Variants in RNASEK observed in about 807,000 individuals in gnomAD.
RNASEK encodes ribonuclease kappa.
A neutral mutation model predicts 11.2 loss-of-function variants in RNASEK; 7 were observed. The ratio of observed to expected loss-of-function variants is 0.62; its 90% CI spans 0.35 to 1.17. RNASEK has a LOEUF of 1.17. RNASEK is among the 50% of genes most tolerant of loss of function. The pLI is 0.02. For synonymous variants in RNASEK, 46 were observed against 49.5 expected (o/e 0.93, Z 0.30); for missense variants, 101 against 126.7 (o/e 0.80, Z 0.97).
rs200524475 is a variant in RNASEK at position 7,012,638 on chromosome 17, C to T, written c.-46C>T. On this transcript the variant is annotated 5_prime_UTR_variant, in exon 1 of 3. Coordinates refer to ENST00000593646, the MANE Select transcript of RNASEK (RefSeq NM_001004333.5). ...GGGCATCCTGGGCTTTCTCCCACCG[C>T]TTTCCGAGCCCGCTTGCACCTCGGC... is the stretch of plus-strand genomic sequence containing the variant. The T allele has an allele frequency of 1.2e-6, 2 of 1,607,416 alleles. No individual in the cohort carries two copies. The highest frequency in any genetic ancestry group is 1.7e-5 in the Admixed American group (1 of 59,728).
intron 1 of RNASEK, chr17:7,013,431 G>C (rs1454126716): frequency 1.3e-6 from 2 of 1,536,460 alleles, no homozygotes; most frequent in Non-Finnish European, 1.7e-6. Flanking sequence ...CGATAATCTG[G>C]GTTCCTGGGA....
Position 7,014,228 on chromosome 17 carries a change from G to A in RNASEK, c.239G>A (p.Gly80Glu). The change falls in exon 3 of 3, where the codon GGA (glycine) becomes GAA (glutamate). Residue 80 changes from glycine to glutamate, a missense_variant. By Grantham distance (98) the Gly-to-Glu change is moderately conservative (BLOSUM62 -2). Coordinates refer to ENST00000593646, the MANE Select transcript of RNASEK (RefSeq NM_001004333.5). This position sits in a 1 kb window ranked among gnomAD's most constrained non-coding sequence, Gnocchi z 4.5. ...FIAAGLYLLL[G>E]GFSFCQVRLN... Reference sequence around the variant, plus strand: ...GCTGCAGGCCTTTACCTCCTCCTCGGAGGCTTCTCTTTCTGCCAAGTTCGG... The same window carrying A: ...GCTGCAGGCCTTTACCTCCTCCTCGAAGGCTTCTCTTTCTGCCAAGTTCGG... 2.5e-6 allele frequency: 4 copies of A among 1,612,524 alleles called. No individual in the cohort carries two copies. Among genetic ancestry groups the A allele is most frequent in the Non-Finnish European group, 3.4e-6 (4 of 1,179,316 alleles).
At chr17:7,012,942 T>A (rs897661787) in intron 1 of RNASEK, 181 bp downstream of exon 1, 1 of 605,376 alleles carries the variant, frequency 1.7e-6, no homozygotes, top group Non-Finnish European at 2.9e-6. Flanking sequence ...CTGACCAACA[T>A]GGTGAAACCC....
Position 7,014,509 on chromosome 17 carries a change from A to T in RNASEK, c.*223A>T. On this transcript the variant is annotated 3_prime_UTR_variant, in exon 3 of 3. Coordinates refer to ENST00000593646, the MANE Select transcript of RNASEK (RefSeq NM_001004333.5). This position sits in a 1 kb window ranked among gnomAD's most constrained non-coding sequence, Gnocchi z 4.5. ...CACCCTTCGCTGTGTCCCGTATCTC[A>T]ATAAAGAGAATCTGCTCTCTTCAGC... 3 of 612,610 alleles carry T rather than the reference A, an allele frequency of 4.9e-6. No homozygotes were observed. The highest frequency in any genetic ancestry group is 8.6e-6 in the Non-Finnish European group (3 of 348,330). The allele number at this position is 612,610 out of a possible 1,614,324, so 37.9% of individuals were successfully genotyped here. A position where few individuals can be genotyped will look rare whatever the true frequency, so the allele number is the denominator to read the frequency against.
intron 1 of RNASEK, chr17:7,013,225 G>A (rs1240546822): frequency 5.5e-6 from 5 of 913,906 alleles, no homozygotes; most frequent in Non-Finnish European, 8.0e-6. Context: ...AAACAAGAGC[G>A]GGGTGCCTGA....
chr17:7,013,886 T>G (rs1369492026), intron 2 of RNASEK, 144 bp downstream of exon 2: 1 of 783,696 alleles, frequency 1.3e-6, no homozygotes, highest in Non-Finnish European at 2.2e-6. Context: ...GAGAATGTGG[T>G]TAGGAGCCAG....
In RNASEK at chr17:7,014,051, C is replaced by T. The variant is rs1333328846; in HGVS notation, c.156-94C>T. ...CAAGAAGATTGAATAAAGTAATACA[C>T]GTAACAGCGCCTAAACAGGTGTCGG... On this transcript the variant is annotated intron_variant, in intron 2 of 2. Coordinates refer to ENST00000593646, the MANE Select transcript of RNASEK (RefSeq NM_001004333.5). The surrounding 1 kb of genome is among the most constrained non-coding windows in gnomAD (Gnocchi z 4.5). 6 of 1,163,034 alleles carry T rather than the reference C, an allele frequency of 5.2e-6. No homozygotes were observed. The highest frequency in any genetic ancestry group is 1.5e-5 in the African/African-American group (1 of 65,206). 72.0% of individuals were successfully genotyped at this position (1,163,034 alleles called of 1,614,324 possible).
rs1567722690 is a variant in RNASEK at position 7,012,641 on chromosome 17, T to C, written c.-43T>C. On this transcript the variant is annotated 5_prime_UTR_variant, in exon 1 of 3. Transcript: ENST00000593646. ...CATCCTGGGCTTTCTCCCACCGCTTTCCGAGCCCGCTTGCACCTCGGCGAT... is the reference window on the plus strand; with the variant it reads ...CATCCTGGGCTTTCTCCCACCGCTTCCCGAGCCCGCTTGCACCTCGGCGAT... 6.2e-7 allele frequency: 1 copy of C among 1,608,492 alleles called. No homozygotes were observed. The highest frequency in any genetic ancestry group is 8.5e-7 in the Non-Finnish European group (1 of 1,179,248).
chr17:7,013,287 C>A, intron 1 of RNASEK: 1 of 1,453,340 alleles, frequency 6.9e-7, no homozygotes, highest in Non-Finnish European at 9.2e-7. Flanking sequence ...GTGCTTGTTC[C>A]AGAAATGTGT....
chr17:7,012,667 C>A lies in RNASEK; in HGVS notation c.-17C>A. On this transcript the variant is annotated 5_prime_UTR_variant, in exon 1 of 3. Transcript: ENST00000593646. ...CCGAGCCCGCTTGCACCTCGGCGAT[C>A]CCCGACTCCCTTCTTTATGGCGTCG... 3.1e-6 allele frequency: 5 copies of A among 1,612,276 alleles called. No homozygotes were observed. Among genetic ancestry groups the A allele is most frequent in the Non-Finnish European group, 4.2e-6 (5 of 1,179,794 alleles).
Position 7,012,676 on chromosome 17 carries a change from C to T in RNASEK, c.-8C>T, listed in dbSNP as rs371826878. The T allele has an allele frequency of 1.2e-6, 2 of 1,612,870 alleles. No homozygotes were observed. Among genetic ancestry groups the T allele is most frequent in the Admixed American group, 1.7e-5 (1 of 60,022 alleles). On this transcript the variant is annotated 5_prime_UTR_variant, in exon 1 of 3. Coordinates refer to ENST00000593646, the MANE Select transcript of RNASEK (RefSeq NM_001004333.5). ...CTTGCACCTCGGCGATCCCCGACTC[C>T]CTTCTTTATGGCGTCGCTCCTGTGC... is the stretch of plus-strand genomic sequence containing the variant.
intron 2 of RNASEK, 29 bp downstream of exon 2, chr17:7,013,771 G>A: frequency 1.4e-6 from 2 of 1,467,556 alleles, no homozygotes; most frequent in South Asian, 1.1e-5. Context: ...GAGGCGGGCT[G>A]GGAGCAGGTG....
At chr17:7,013,765 C>CGGG in intron 2 of RNASEK, 23 bp downstream of exon 2, 2 of 592,970 alleles carry the variant, frequency 3.4e-6, no homozygotes, top group Non-Finnish European at 6.4e-6. Flanking sequence ...GTGGGGGAGG[C>CGGG]GGGCTGGGAG....
chr17:7,013,879 A>T (rs1844802701), intron 2 of RNASEK, 137 bp downstream of exon 2: 1 of 812,244 alleles, frequency 1.2e-6, no homozygotes, highest in Non-Finnish European at 2.1e-6. Flanking sequence ...CTTTCTTGAG[A>T]ATGTGGTTAG....
At chr17:7,012,893 C>G (rs1296534219) in intron 1 of RNASEK, 132 bp downstream of exon 1, 1 of 745,978 alleles carries the variant, frequency 1.3e-6, no homozygotes, top group Non-Finnish European at 2.2e-6. Flanking sequence ...GAGAAGGAGA[C>G]AGACTGAAAT....
At position 7,014,244 on chromosome 17, in the gene RNASEK, C is replaced by T; in HGVS notation, c.255C>T (p.Cys85=). The T allele has an allele frequency of 2.5e-6, 4 of 1,613,492 alleles. No individual in the cohort carries two copies. Among genetic ancestry groups the T allele is most frequent in the Non-Finnish European group, 3.4e-6 (4 of 1,179,688 alleles). The change falls in exon 3 of 3, where the codon TGC becomes TGT. Residue 85 remains cysteine (C), a synonymous_variant. Transcript: ENST00000593646. This position sits in a 1 kb window ranked among gnomAD's most constrained non-coding sequence, Gnocchi z 4.5. The part of the protein sequence containing the change: ...LYLLLGGFSF[C]QVRLNKRKEY... ...TCCTCCTCGGAGGCTTCTCTTTCTG[C>T]CAAGTTCGGCTCAATAAGCGCAAGG...
chr17:7,014,258 A>G lies in RNASEK; in HGVS notation c.269A>G (p.Asn90Ser), dbSNP rs534459797. 222 of 1,613,754 alleles carry G rather than the reference A, an allele frequency of 1.4e-4. 1 individual carries two copies. Among genetic ancestry groups the G allele is most frequent in the South Asian group, 7.8e-4 (71 of 91,022 alleles). Residue 90 changes from asparagine (N) to serine (S), a missense_variant, in exon 3 of 3, where the codon AAT (asparagine) becomes AGT (serine). By Grantham distance (46) the Asn-to-Ser change is conservative. Coordinates refer to ENST00000593646, the MANE Select transcript of RNASEK (RefSeq NM_001004333.5). The surrounding 1 kb of genome is among the most constrained non-coding windows in gnomAD (Gnocchi z 4.5). ...TTCTCTTTCTGCCAAGTTCGGCTCA[A>G]TAAGCGCAAGGAATACATGGTGCGC... ...GGFSFCQVRL[N>S]KRKEYMVR is the part of the protein sequence containing the mutation.
In RNASEK at chr17:7,012,636, C is replaced by A. The variant is rs1244791426; in HGVS notation, c.-48C>A. 6.2e-7 allele frequency: 1 copy of A among 1,606,372 alleles called. No individual in the cohort carries two copies. Among genetic ancestry groups the A allele is most frequent in the Non-Finnish European group, 8.5e-7 (1 of 1,178,750 alleles). ...GAGGGCATCCTGGGCTTTCTCCCAC[C>A]GCTTTCCGAGCCCGCTTGCACCTCG... is the stretch of plus-strand genomic sequence containing the variant. On this transcript the variant is annotated 5_prime_UTR_variant, in exon 1 of 3. Transcript: ENST00000593646.
At chr17:7,012,970 C>T in intron 1 of RNASEK, 2 of 577,578 alleles carry the variant, frequency 3.5e-6, no homozygotes, top group South Asian at 4.2e-5. Flanking sequence ...AATAAAAATA[C>T]AAAAATTAGC....
Sources: gnomAD v4.1 joint callset for allele counts on GRCh38, gnomAD v4.1.1 for gene constraint, Gnocchi (gnomAD v3.1) non-coding constraint, MANE v1.5 for transcripts, NCBI Gene and HGNC (gene_info 2026-07-23, HGNC 2026-07-21) for gene names.